ADGRL2: variants seen among roughly 807,000 people sequenced by gnomAD.
ADGRL2 encodes the protein calcium-independent alpha-latrotoxin receptor 2.
ADGRL2 carries 44 observed loss-of-function variants against 157.4 expected under a neutral mutation model. The observed-to-expected ratio is 0.28, with a 90% CI of 0.22 to 0.36. The LOEUF is 0.36. Ranked by LOEUF, ADGRL2 falls within the 10% of genes least tolerant of loss-of-function variation. ADGRL2 has a pLI of 1.00. For synonymous variants in ADGRL2, 585 were observed against 624.7 expected (o/e 0.94, Z 0.95); for missense variants, 1,510 against 1,768.9 (o/e 0.85, Z 2.63).
intron 2 of ADGRL2, among the ~76,000 whole-genome samples, chr1:81,507,807 C>T (rs2079005599): frequency 1.3e-5 from 2 of 152,148 alleles, no homozygotes; most frequent in African/African-American, 4.8e-5. Flanking sequence ...CCTTATGCTA[C>T]CTAAGGACAT....
At chr1:81,844,958 A>C (rs1368226557) in intron 2 of ADGRL2, among the ~76,000 whole-genome samples, 1 of 152,112 alleles carries the variant, frequency 6.6e-6, no homozygotes, top group Non-Finnish European at 1.5e-5. Flanking sequence ...AAAAGAGAAA[A>C]TTAAAAAAAT....
chr1:81,721,645 C>A, intron 1 of ADGRL2: 2 of 847,050 alleles, frequency 2.4e-6, no homozygotes, highest in South Asian at 1.4e-5. Context: ...AGCGCCTGGG[C>A]CTGGAACCGG....
intron 3 of ADGRL2, among the ~76,000 whole-genome samples, chr1:81,643,699 A>G (rs2082263477): frequency 6.6e-6 from 1 of 152,210 alleles, no homozygotes; most frequent in African/African-American, 2.4e-5. Context: ...CAGAATATGT[A>G]CAAGATCTAT....
At position 81,474,223 on chromosome 1, in the gene ADGRL2, T is replaced by C. The variant is rs140146733; in HGVS notation, c.-248+29134T>C. Among the ~76,000 whole-genome samples, 377 of 152,334 alleles carry C rather than the reference T, an allele frequency of 2.5e-3. 1 individual carries two copies. The highest frequency in any genetic ancestry group is 0.01 in the Middle Eastern group (3 of 294). On this transcript the variant is annotated intron_variant, in intron 2 of 24. Transcript: ENST00000370721. ...TACATGAAAAATACTAGAAAACCTA[T>C]GGAATATGCCTGAGTTTAGCGGCAG...
chr1:81,934,585 A>G (rs1162663523), intron 3 of ADGRL2, among the ~76,000 whole-genome samples: 1 of 151,962 alleles, frequency 6.6e-6, no homozygotes, highest in Non-Finnish European at 1.5e-5. Context: ...TTCAACTTTG[A>G]GTACAATTCC....
At chr1:81,342,529 AG>A (rs1175340725) in intron 1 of ADGRL2, among the ~76,000 whole-genome samples, 1 of 152,196 alleles carries the variant, frequency 6.6e-6, no homozygotes, top group Admixed American at 6.5e-5. Context: ...AGCTGGAAAA[AG>A]ATTCCATCTG....
intron 13 of ADGRL2, among the ~76,000 whole-genome samples, chr1:81,966,956 C>A (rs1657234534): frequency 6.6e-6 from 1 of 152,142 alleles, no homozygotes; most frequent in Non-Finnish European, 1.5e-5. Context: ...AGTATTAACT[C>A]TTAGGACTCT....
intron 2 of ADGRL2, among the ~76,000 whole-genome samples, chr1:81,500,059 A>G (rs569052032): frequency 6.6e-6 from 1 of 152,340 alleles, no homozygotes; most frequent in African/African-American, 2.4e-5. Context: ...TCATATTGCC[A>G]GAGTTTTGTA....
chr1:81,455,119 T>C (rs2077777159), intron 2 of ADGRL2, among the ~76,000 whole-genome samples: 1 of 152,212 alleles, frequency 6.6e-6, no homozygotes, highest in African/African-American at 2.4e-5. Flanking sequence ...GTACTTTCTG[T>C]AATGCTCAAG....
chr1:81,318,916 C>G (rs1570604599), intron 1 of ADGRL2, among the ~76,000 whole-genome samples: 1 of 146,376 alleles, frequency 6.8e-6, no homozygotes, highest in Admixed American at 6.9e-5. Context: ...TATCCTCCAT[C>G]CTCCATCAAT....
intron 3 of ADGRL2, among the ~76,000 whole-genome samples, chr1:81,602,775 G>A (rs931002638): frequency 3.3e-5 from 5 of 150,832 alleles, no homozygotes; most frequent in African/African-American, 4.9e-5. Flanking sequence ...GCATGCACCT[G>A]TAATCCCAGC....
chr1:81,912,444 T>G (rs1207600688), intron 3 of ADGRL2, among the ~76,000 whole-genome samples: 3 of 152,218 alleles, frequency 2.0e-5, no homozygotes, highest in African/African-American at 7.2e-5. Flanking sequence ...TTGAAGTTTA[T>G]TTCAGAACTG....
At chr1:81,679,956 G>T (rs935059342) in intron 3 of ADGRL2, among the ~76,000 whole-genome samples, 6 of 152,164 alleles carry the variant, frequency 3.9e-5, no homozygotes, top group Non-Finnish European at 7.3e-5. Flanking sequence ...GGTCTATATT[G>T]TAAGTCTTAT....
At chr1:81,550,003 T>G (rs941528816) in intron 2 of ADGRL2, among the ~76,000 whole-genome samples, 2 of 152,202 alleles carry the variant, frequency 1.3e-5, no homozygotes, top group African/African-American at 4.8e-5. Flanking sequence ...GAGCCCTTGA[T>G]ACCTAATAAC....
chr1:81,516,617 TG>T (rs1310365751), intron 2 of ADGRL2, among the ~76,000 whole-genome samples: 4 of 152,270 alleles, frequency 2.6e-5, no homozygotes, highest in Non-Finnish European at 5.9e-5. Flanking sequence ...TGAAAATTCT[TG>T]TAAGTCTAAC....
intron 2 of ADGRL2, among the ~76,000 whole-genome samples, chr1:81,849,243 A>G (rs904284077): frequency 6.6e-6 from 1 of 151,940 alleles, no homozygotes; most frequent in African/African-American, 2.4e-5. Flanking sequence ...GTGTGAGTCC[A>G]TTTGAAAGGC....
intron 2 of ADGRL2, among the ~76,000 whole-genome samples, chr1:81,769,398 A>G (rs371479221): frequency 2.9e-4 from 44 of 152,214 alleles, no homozygotes; most frequent in Middle Eastern, 3.4e-3. Context: ...GTAGTAATAC[A>G]TTTTAAAAAC....
At chr1:81,889,500 AGG>A (rs2094209015) in intron 2 of ADGRL2, among the ~76,000 whole-genome samples, 1 of 152,326 alleles carries the variant, frequency 6.6e-6, no homozygotes, top group Non-Finnish European at 1.5e-5. Flanking sequence ...GAAGATGTGG[AGG>A]AAAGTTTACA....
rs989197922 is a variant in ADGRL2, at chr1:81,823,312, G to GT, written c.-100-13567dup. ...CTGCCTCCCTTCCTCTCTCCTTCCC[G>GT]TTTTTTCTCTCCTTCCTTCCTTCCT... is the stretch of plus-strand genomic sequence containing the variant. On this transcript the variant is annotated intron_variant, in intron 1 of 23. Transcript: ENST00000686636. Among the ~76,000 whole-genome samples the GT allele has an allele frequency of 9.4e-5, 14 of 149,306 alleles. No individual in the cohort carries two copies. The South Asian group carries it at 1.5e-3, about 16-fold the overall frequency.
Sources: allele counts gnomAD v4.1 joint callset (sites outside exome capture counted in the v4.1 genomes callset), GRCh38; gene constraint gnomAD v4.1.1; transcripts MANE v1.5; gene names NCBI Gene and HGNC (gene_info 2026-07-23, HGNC 2026-07-21).